SPATA17: variants seen among roughly 807,000 people sequenced by gnomAD.
The protein encoded by SPATA17 is spermatogenesis-associated protein 17.
SPATA17 carries 53 observed loss-of-function variants against 62.2 expected under a neutral mutation model. That is an observed-to-expected ratio of 0.85 (90% CI 0.68 to 1.07). The LOEUF is 1.07. Ranked by LOEUF, SPATA17 falls within the 50% of genes least tolerant of loss-of-function variation. The pLI is 0.00. For missense variants in SPATA17, 466 were observed against 425.5 expected, an observed-to-expected ratio of 1.10 and a Z score of -0.84; for synonymous variants, 146 against 146.8, an observed-to-expected ratio of 0.99 and a Z score of 0.04.
chr1:217,843,449 T>C (rs1195679940), intron 9 of SPATA17, among the ~76,000 whole-genome samples: 1 of 151,958 alleles, frequency 6.6e-6, no homozygotes, highest in African/African-American at 2.4e-5. Context: ...AACCCCCATC[T>C]CTACAAAAAA....
intron 8 of SPATA17, among the ~76,000 whole-genome samples, chr1:217,793,067 G>T (rs372084958): frequency 6.6e-6 from 1 of 152,110 alleles, no homozygotes; most frequent in Non-Finnish European, 1.5e-5. Flanking sequence ...TTCAGTTAAA[G>T]AAAGATATTG....
intron 1 of SPATA17, among the ~76,000 whole-genome samples, chr1:217,639,550 A>T (rs1401850816): frequency 1.3e-5 from 2 of 152,214 alleles, no homozygotes; most frequent in Non-Finnish European, 2.9e-5. Context: ...TTTTCATTTA[A>T]TTAAAAATTA....
At chr1:217,793,870 C>T (rs970993255) in intron 8 of SPATA17, among the ~76,000 whole-genome samples, 3 of 151,994 alleles carry the variant, frequency 2.0e-5, no homozygotes, top group African/African-American at 7.2e-5. Flanking sequence ...AATCTCAGCA[C>T]TTTGGAAGGC....
At chr1:217,713,673 G>A (rs1219891432) in intron 5 of SPATA17, among the ~76,000 whole-genome samples, 1 of 152,156 alleles carries the variant, frequency 6.6e-6, no homozygotes, top group Non-Finnish European at 1.5e-5. Context: ...CCTCACCTAA[G>A]AAATCGATGC....
At chr1:217,805,638 G>T (rs189844310) in intron 9 of SPATA17, among the ~76,000 whole-genome samples, 14 of 152,202 alleles carry the variant, frequency 9.2e-5, no homozygotes, top group Non-Finnish European at 1.9e-4. Context: ...AGATCATGTT[G>T]TACACTGTAA....
chr1:217,829,083 C>G (rs968696093), intron 9 of SPATA17, among the ~76,000 whole-genome samples: 1 of 152,074 alleles, frequency 6.6e-6, no homozygotes, highest in Admixed American at 6.6e-5. Flanking sequence ...AGCAATTTCT[C>G]TTCTGTGTAT....
At chr1:217,678,548 T>C (rs1159657408) in intron 4 of SPATA17, among the ~76,000 whole-genome samples, 1 of 152,170 alleles carries the variant, frequency 6.6e-6, no homozygotes, top group Non-Finnish European at 1.5e-5. Context: ...AGACATTTTT[T>C]CTTTTAGTGG....
chr1:217,743,938 A>G (rs1273479752), intron 6 of SPATA17, among the ~76,000 whole-genome samples: 1 of 151,880 alleles, frequency 6.6e-6, no homozygotes, highest in Non-Finnish European at 1.5e-5. Flanking sequence ...TTAACTGAAC[A>G]TTTGTTAATT....
chr1:217,742,686 T>C (rs1672649173), intron 6 of SPATA17, among the ~76,000 whole-genome samples: 1 of 152,116 alleles, frequency 6.6e-6, no homozygotes, highest in Non-Finnish European at 1.5e-5. Context: ...AAAGAATACA[T>C]GTCATGTGGA....
chr1:217,763,711 G>T (rs1673228580), intron 6 of SPATA17, among the ~76,000 whole-genome samples: 1 of 152,172 alleles, frequency 6.6e-6, no homozygotes, highest in Admixed American at 6.5e-5. Context: ...TATTATGGTT[G>T]CTTGGACAAG....
intron 6 of SPATA17, among the ~76,000 whole-genome samples, chr1:217,755,795 T>TTA (rs1371293834): frequency 2.6e-5 from 4 of 152,036 alleles, no homozygotes; most frequent in African/African-American, 9.6e-5. Context: ...ATAAGTTAAC[T>TTA]TACGATCATC....
intron 9 of SPATA17, among the ~76,000 whole-genome samples, chr1:217,821,675 T>A (rs533701903): frequency 5.3e-5 from 8 of 151,764 alleles, no homozygotes; most frequent in Non-Finnish European, 7.4e-5. Context: ...TATGGGGTAA[T>A]GTATCTTTTA....
chr1:217,663,368 C>G (rs1463803270), intron 3 of SPATA17, among the ~76,000 whole-genome samples: 1 of 151,554 alleles, frequency 6.6e-6, no homozygotes, highest in Non-Finnish European at 1.5e-5. Context: ...TCGCTTGAAC[C>G]TGGGAGGCAG....
intron 7 of SPATA17, among the ~76,000 whole-genome samples, chr1:217,774,756 A>G (rs1176115817): frequency 6.6e-6 from 1 of 152,190 alleles, no homozygotes; most frequent in Non-Finnish European, 1.5e-5. Context: ...CCTTTGCCCC[A>G]TCCCCTGACA....
chr1:217,824,315 T>C (rs868405512), intron 9 of SPATA17, among the ~76,000 whole-genome samples: 2 of 152,050 alleles, frequency 1.3e-5, no homozygotes, highest in Middle Eastern at 7.1e-3. Context: ...ACTCTGTTCT[T>C]TTATATATTA....
intron 8 of SPATA17, among the ~76,000 whole-genome samples, chr1:217,800,982 A>G (rs1009958665): frequency 6.6e-6 from 1 of 152,150 alleles, no homozygotes; most frequent in African/African-American, 2.4e-5. Context: ...GTTGATCATA[A>G]AAATATCTAA....
At chr1:217,801,404 A>G (rs1398982830) in intron 8 of SPATA17, among the ~76,000 whole-genome samples, 2 of 152,200 alleles carry the variant, frequency 1.3e-5, no homozygotes, top group African/African-American at 4.8e-5. Flanking sequence ...CATTTATATG[A>G]TGAATTTTGA....
At chr1:217,704,971 A>G (rs1471739044) in intron 5 of SPATA17, among the ~76,000 whole-genome samples, 2 of 152,160 alleles carry the variant, frequency 1.3e-5, no homozygotes, top group African/African-American at 4.8e-5. Context: ...TTATTTGAGA[A>G]ATCACCAAAC....
intron 5 of SPATA17, among the ~76,000 whole-genome samples, chr1:217,732,346 A>G (rs1223246287): frequency 6.6e-6 from 1 of 152,172 alleles, no homozygotes; most frequent in Non-Finnish European, 1.5e-5. Context: ...TAGTTGAGAG[A>G]TGTCCCTTGT....
Sources: allele counts gnomAD v4.1 joint callset (sites outside exome capture counted in the v4.1 genomes callset), GRCh38; gene constraint gnomAD v4.1.1; transcripts MANE v1.5; gene names NCBI Gene and HGNC (gene_info 2026-07-23, HGNC 2026-07-21).